The following SLC17A3 variants were observed in gnomAD, a reference collection of about 807,000 sequenced individuals.
SLC17A3 encodes sodium-dependent phosphate transport protein 4.
In SLC17A3, 61 loss-of-function variants were observed where a neutral mutation model predicts 60.3. The ratio of observed to expected loss-of-function variants is 1.01; its 90% confidence interval spans 0.82 to 1.25. The LOEUF (loss-of-function observed/expected upper bound fraction) is 1.25. Ranked by LOEUF, SLC17A3 falls within the 50% of genes most tolerant of loss-of-function variation. The probability of loss-of-function intolerance (pLI) is 0.00; values close to 1 mark genes in which losing one functional copy is unlikely to be tolerated. For synonymous variants in SLC17A3, 192 were observed against 208.9 expected (o/e 0.92, Z 0.70); for missense variants, 624 against 594.9 (o/e 1.05, Z -0.51).
Position 25,849,919 on chromosome 6 carries a change from A to G in SLC17A3, c.1157T>C (p.Leu386Pro). ...SLPSSALIVSLPYLNSGYITA... is the reference protein window; with the variant it reads ...SLPSSALIVSPPYLNSGYITA... ...GATATAGCCGGAATTGAGGTAAGGC[A>G]GAGACACAATGAGTGCTGAAGAGGG... The change falls in exon 10 of 13, where the codon CTG becomes CCG. Residue 386 changes from leucine (L) to proline (P), a missense_variant. By Grantham distance (98) the Leu-to-Pro change is moderately conservative. Transcript: ENST00000397060. 6.2e-7 allele frequency: 1 copy of G among 1,614,104 alleles called. No homozygotes were observed. Among genetic ancestry groups the G allele is most frequent in the African/African-American group, 1.3e-5 (1 of 75,062 alleles).
intron 6 of SLC17A3, among the ~76,000 whole-genome samples, chr6:25,854,869 A>G (rs1765333851): frequency 6.6e-6 from 1 of 152,174 alleles, no homozygotes; most frequent in Admixed American, 6.5e-5. Context: ...CTGACCTGCA[A>G]GCCTATCCCC....
intron 11 of SLC17A3, among the ~76,000 whole-genome samples, chr6:25,847,145 GT>G (rs1452150007): frequency 6.6e-6 from 1 of 151,246 alleles, no homozygotes; most frequent in African/African-American, 2.4e-5. Context: ...CTCATCCTTT[GT>G]CTTCTACTTA....
At chr6:25,864,767 G>C (rs1485504162) in intron 2 of SLC17A3, among the ~76,000 whole-genome samples, 1 of 151,986 alleles carries the variant, frequency 6.6e-6, no homozygotes, top group East Asian at 1.9e-4. Context: ...AGAGAAGTAG[G>C]AGTTGAGGCA....
At position 25,855,144 on chromosome 6, in the gene SLC17A3, C is replaced by T. The variant is rs1031490898; in HGVS notation, c.712G>A (p.Gly238Arg). 19 of 1,602,714 alleles carry T rather than the reference C, an allele frequency of 1.2e-5. No homozygotes were observed. The highest frequency in any genetic ancestry group is 1.3e-5 in the African/African-American group (1 of 74,608). The part of the protein sequence containing the change: ...LGWPFVFYIF[G>R]GVGCVCCLLW... ...AGGGAACTGGGAGATAGTAGCTTAC[C>T]AAAGATATAGAAGACAAAGGGCCAC... Residue 238 changes from glycine to arginine, a missense_variant and splice_region_variant, in exon 6 of 13, where the codon GGA (glycine) becomes AGA (arginine). Physicochemically the swap from Gly to Arg is moderately radical, Grantham distance 125. Transcript: ENST00000397060.
At chr6:25,862,079 A>G in intron 3 of SLC17A3, 50 bp from the exon 4 acceptor site, 1 of 1,480,518 alleles carries the variant, frequency 6.8e-7, no homozygotes, top group Non-Finnish European at 9.2e-7. Flanking sequence ...AAAGGTTCTT[A>G]CATACCCTAG....
At chr6:25,850,732 GAA>G in intron 7 of SLC17A3, 25 bp downstream of exon 7, 1 of 1,606,912 alleles carries the variant, frequency 6.2e-7, no homozygotes, top group East Asian at 2.2e-5. Flanking sequence ...CAAGGTCTCA[GAA>G]AAGTGTTGGT....
chr6:25,853,575 G>A (rs539716324), intron 6 of SLC17A3, among the ~76,000 whole-genome samples: 1 of 151,648 alleles, frequency 6.6e-6, no homozygotes, highest in Admixed American at 6.6e-5. Flanking sequence ...CCGCCACCAC[G>A]CCTGGCTAAT....
chr6:25,845,245 C>T lies in SLC17A3; in HGVS notation c.*56G>A. ...TCACTGGTATTTTCATCACGGAAGC[C>T]TTCTATTTTATGCAATACGGTGCCT... On this transcript the variant is annotated 3_prime_UTR_variant, in exon 13 of 13. Coordinates refer to ENST00000397060, the MANE Select transcript of SLC17A3 (RefSeq NM_001098486.2). The T allele has an allele frequency of 1.0e-6, 1 of 988,154 alleles. No individual in the cohort carries two copies. Among genetic ancestry groups the T allele is most frequent in the South Asian group, 1.5e-5 (1 of 67,620 alleles). The allele number at this position is 988,154 out of a possible 1,614,324, so 61.2% of individuals were successfully genotyped here. A position where few individuals can be genotyped will look rare whatever the true frequency, so the allele number is the denominator to read the frequency against.
At chr6:25,845,700 T>C (rs185283929) in intron 11 of SLC17A3, among the ~76,000 whole-genome samples, 184 bp from the exon 12 acceptor site, 1 of 152,318 alleles carries the variant, frequency 6.6e-6, no homozygotes, top group African/African-American at 2.4e-5. Context: ...ATAAAGGGTA[T>C]TTGGGGAACT....
intron 1 of SLC17A3, among the ~76,000 whole-genome samples, chr6:25,872,327 G>A (rs1311109806): frequency 8.8e-5 from 9 of 102,748 alleles, no homozygotes; most frequent in Admixed American, 7.9e-4. Flanking sequence ...GAGCTTTAAC[G>A]CCAAAAAAAA....
intron 5 of SLC17A3, 113 bp from the exon 6 acceptor site, chr6:25,855,343 G>T: frequency 1.4e-6 from 1 of 731,494 alleles, no homozygotes. Flanking sequence ...AAGGAGACGA[G>T]CATATTAGAA....
At chr6:25,849,303 T>C (rs866224923) in intron 11 of SLC17A3, 71 bp downstream of exon 11, 10 of 879,004 alleles carry the variant, frequency 1.1e-5, no homozygotes, top group African/African-American at 1.0e-4. Flanking sequence ...AGTCTTTGAA[T>C]ACATGCTATC....
chr6:25,869,980 T>C (rs1765615374), intron 1 of SLC17A3, among the ~76,000 whole-genome samples: 1 of 152,034 alleles, frequency 6.6e-6, no homozygotes, highest in South Asian at 2.1e-4. Flanking sequence ...TTCCACCCCA[T>C]GGCTATATCA....
At position 25,849,844 on chromosome 6, in the gene SLC17A3, T is replaced by A; in HGVS notation, c.1232A>T (p.Gln411Leu). 1 of 1,614,012 alleles carries A rather than the reference T, an allele frequency of 6.2e-7. No homozygotes were observed. Among genetic ancestry groups the A allele is most frequent in the Non-Finnish European group, 8.5e-7 (1 of 1,179,854 alleles). Reference protein sequence around the residue: ...TLSCGLSTLCQSGIYINVLDI... With the variant: ...TLSCGLSTLCLSGIYINVLDI... Reference sequence around the variant, plus strand: ...TAAGACATTGATATAAATCCCTGACTGACACAATGTGCTTAATCCGCAAGA... The same window carrying A: ...TAAGACATTGATATAAATCCCTGACAGACACAATGTGCTTAATCCGCAAGA... Residue 411 changes from glutamine (Q) to leucine (L), a missense_variant, in exon 10 of 13, where the codon CAG becomes CTG. Transcript: ENST00000397060.
rs994627404 is a variant in SLC17A3 at position 25,869,429 on chromosome 6, C to T, written c.-33-1009G>A. ...CACAACTGCCCTGATATCATTGTTG[C>T]AAACTAAGGAATAACTTCTTAGTAT... On this transcript the variant is annotated intron_variant, in intron 1 of 12. Coordinates refer to ENST00000397060, the MANE Select transcript of SLC17A3 (RefSeq NM_001098486.2). Among the ~76,000 whole-genome samples the T allele has an allele frequency of 2.0e-5, 3 of 151,882 alleles. No individual in the cohort carries two copies. In the East Asian group the frequency reaches 5.8e-4, roughly 29 times the overall value.
At chr6:25,857,571 GA>G (rs946146922) in intron 5 of SLC17A3, among the ~76,000 whole-genome samples, 21 of 147,778 alleles carry the variant, frequency 1.4e-4, no homozygotes, top group African/African-American at 4.2e-4. Flanking sequence ...AAAAAAAAAA[GA>G]AAAAAAAGTC....
At chr6:25,860,240 CCTT>C (rs1345494358) in intron 5 of SLC17A3, among the ~76,000 whole-genome samples, 1 of 152,130 alleles carries the variant, frequency 6.6e-6, no homozygotes, top group Non-Finnish European at 1.5e-5. Context: ...TTACTAAACT[CCTT>C]AAGTGGCTGC....
intron 1 of SLC17A3, among the ~76,000 whole-genome samples, chr6:25,871,411 T>C (rs1461479351): frequency 3.3e-5 from 5 of 150,622 alleles, no homozygotes; most frequent in South Asian, 2.1e-4. Context: ...ACACTGCATG[T>C]TCTCACTCAT....
rs1765452528 is a variant in SLC17A3, at chr6:25,861,831, GC to G, written c.501del (p.Leu167PhefsTer4). The stretch of plus-strand genomic sequence containing the variant: ...CCCTGGACTATTCGAGTTACAATGA[GC>G]AAGACTATTCCAAAGTCAGTGGCCA... Reference protein sequence around the residue: ...IPLATDFGIVLLIVTRIVQGL... With the variant: ...IPLATDFGIVXLIVTRIVQGL... On this transcript the variant is annotated frameshift_variant, in exon 4 of 13. Coordinates refer to ENST00000397060, the MANE Select transcript of SLC17A3 (RefSeq NM_001098486.2). LOFTEE classifies it high-confidence loss of function. 1.2e-6 allele frequency: 2 copies of G among 1,613,586 alleles called. No individual in the cohort carries two copies. Among genetic ancestry groups the G allele is most frequent in the Non-Finnish European group, 1.7e-6 (2 of 1,179,674 alleles).
Sources: allele counts gnomAD v4.1 joint callset (sites outside exome capture counted in the v4.1 genomes callset), GRCh38; gene constraint gnomAD v4.1.1; transcripts MANE v1.5; gene names NCBI Gene and HGNC (gene_info 2026-07-23, HGNC 2026-07-21).